DACH1: variants seen among roughly 807,000 people sequenced by gnomAD.
DACH1 encodes dachshund homolog 1.
Under a neutral mutation model 54.2 loss-of-function variants are expected in DACH1, and 12 were observed. The observed-to-expected ratio is 0.22, with a 90% CI of 0.14 to 0.36. The LOEUF (loss-of-function observed/expected upper bound fraction) is 0.36. DACH1 is among the 10% of genes least tolerant of loss of function. The probability of loss-of-function intolerance (pLI) is 1.00; values close to 1 mark genes in which losing one functional copy is unlikely to be tolerated. For synonymous variants in DACH1, 386 were observed against 366.2 expected, an observed-to-expected ratio of 1.05 and a Z score of -0.62; for missense variants, 805 against 929.8, an observed-to-expected ratio of 0.87 and a Z score of 1.75.
chr13:71,470,596 G>A (rs1593744873), intron 10 of DACH1, among the ~76,000 whole-genome samples: 1 of 151,882 alleles, frequency 6.6e-6, no homozygotes, highest in Non-Finnish European at 1.5e-5. Context: ...CAAAGTGCTG[G>A]GATTACAGTT....
chr13:71,658,962 C>T (rs1879320140), intron 2 of DACH1, among the ~76,000 whole-genome samples: 1 of 152,160 alleles, frequency 6.6e-6, no homozygotes, highest in Admixed American at 6.5e-5. Context: ...TGAATATTAG[C>T]CCAATTTTTA....
intron 10 of DACH1, among the ~76,000 whole-genome samples, chr13:71,449,137 T>G (rs1166715633): frequency 3.3e-5 from 5 of 151,808 alleles, no homozygotes; most frequent in Non-Finnish European, 7.4e-5. Context: ...GTCAGGAGTT[T>G]GAGACCAGCA....
chr13:71,625,696 A>T (rs779908767), intron 3 of DACH1, among the ~76,000 whole-genome samples: 7 of 152,044 alleles, frequency 4.6e-5, no homozygotes, highest in Non-Finnish European at 8.8e-5. Context: ...AATGAAAAAC[A>T]ATCATATGTT....
At chr13:71,777,296 G>T (rs1886103418) in intron 1 of DACH1, among the ~76,000 whole-genome samples, 1 of 151,992 alleles carries the variant, frequency 6.6e-6, no homozygotes, top group Non-Finnish European at 1.5e-5. Flanking sequence ...AGACAGTCCT[G>T]GCTCTTAGCG....
At chr13:71,671,540 T>C (rs1192541986) in intron 2 of DACH1, among the ~76,000 whole-genome samples, 1 of 152,026 alleles carries the variant, frequency 6.6e-6, no homozygotes, top group Non-Finnish European at 1.5e-5. Flanking sequence ...AATCCACATA[T>C]TTCATAATTA....
intron 1 of DACH1, among the ~76,000 whole-genome samples, chr13:71,802,916 T>A (rs1887346555): frequency 6.6e-6 from 1 of 152,102 alleles, no homozygotes; most frequent in Non-Finnish European, 1.5e-5. Flanking sequence ...TAATTGTGAT[T>A]TAATTGTGTA....
At chr13:71,843,492 A>G (rs896287439) in intron 1 of DACH1, among the ~76,000 whole-genome samples, 73 of 152,164 alleles carry the variant, frequency 4.8e-4, no homozygotes, top group African/African-American at 1.8e-3. Flanking sequence ...CTTGAACTCC[A>G]GGGCTCAAAC....
chr13:71,566,939 T>C (rs562436151), intron 4 of DACH1, among the ~76,000 whole-genome samples: 2 of 152,276 alleles, frequency 1.3e-5, no homozygotes, highest in African/African-American at 4.8e-5. Flanking sequence ...CACATTGCTC[T>C]AAGATTCACT....
chr13:71,808,282 T>C (rs1887587916), intron 1 of DACH1, among the ~76,000 whole-genome samples: 1 of 151,970 alleles, frequency 6.6e-6, no homozygotes, highest in Non-Finnish European at 1.5e-5. Flanking sequence ...AAGGTCTCCA[T>C]GAGATTTTTT....
chr13:71,458,237 T>C (rs1247224748), intron 10 of DACH1, among the ~76,000 whole-genome samples: 2 of 151,932 alleles, frequency 1.3e-5, no homozygotes, highest in Non-Finnish European at 2.9e-5. Flanking sequence ...TAATAAAGGT[T>C]ATTTGTGAAT....
At chr13:71,586,164 CA>C (rs943435750) in intron 3 of DACH1, among the ~76,000 whole-genome samples, 1 of 152,018 alleles carries the variant, frequency 6.6e-6, no homozygotes, top group African/African-American at 2.4e-5. Context: ...CCTTTCTTGA[CA>C]GGGGGTACCA....
At chr13:71,669,784 C>G (rs551283073) in intron 2 of DACH1, among the ~76,000 whole-genome samples, 129 of 152,154 alleles carry the variant, frequency 8.5e-4, no homozygotes, top group South Asian at 2.1e-3. Context: ...GATCATAAAA[C>G]CTAAATTGAC....
In DACH1 at chr13:71,866,633, G is replaced by C; in HGVS notation, c.137C>G (p.Pro46Arg). The change falls in exon 1 of 11, where the codon CCC becomes CGC. Residue 46 changes from proline (P) to arginine (R), a missense_variant. Pro to Arg is a moderately radical substitution (Grantham distance 103). Transcript: ENST00000613252. Reference sequence around the variant, plus strand: ...CAGAGTTGGCCCAGAGGACGCCGGGGGTCCGATGGAAGGAGCCGGAGACGA... The same window carrying C: ...CAGAGTTGGCCCAGAGGACGCCGGGCGTCCGATGGAAGGAGCCGGAGACGA... ...ATSSPAPSIG[P>R]PASSGPTLFR... The C allele has an allele frequency of 7.1e-7, 1 of 1,405,520 alleles. No homozygotes were observed. The highest frequency in any genetic ancestry group is 1.9e-5 in the South Asian group (1 of 52,868). The allele number at this position is 1,405,520 out of a possible 1,614,324, so 87.1% of individuals were successfully genotyped here.
intron 10 of DACH1, among the ~76,000 whole-genome samples, chr13:71,449,530 T>C (rs947036528): frequency 6.7e-6 from 1 of 150,266 alleles, no homozygotes; most frequent in Non-Finnish European, 1.5e-5. Context: ...TGTCAGGGGT[T>C]GGGGGCTAGG....
intron 3 of DACH1, among the ~76,000 whole-genome samples, chr13:71,593,745 G>A (rs551935873): frequency 2.0e-5 from 3 of 151,998 alleles, no homozygotes; most frequent in South Asian, 2.1e-4. Flanking sequence ...CAATAACAAT[G>A]GAACATTCCC....
chr13:71,820,233 G>C (rs1888132759), intron 1 of DACH1, among the ~76,000 whole-genome samples: 1 of 151,926 alleles, frequency 6.6e-6, no homozygotes, highest in Non-Finnish European at 1.5e-5. Context: ...CTGCCCGAGA[G>C]ATTGGCTGGG....
chr13:71,866,083 G>C lies in DACH1; in HGVS notation c.687C>G (p.Val229=). Residue 229 remains valine, a synonymous_variant, in exon 1 of 11, where the codon GTC becomes GTG. Transcript: ENST00000613252. The part of the protein sequence containing the change: ...LKHLVGGLHT[V]YTKLKRLEIT... ...TCTCCAGCCGCTTCAGCTTGGTGTAGACCGTATGCAAGCCCCCCACCAAGT... is the reference window on the plus strand; with the variant it reads ...TCTCCAGCCGCTTCAGCTTGGTGTACACCGTATGCAAGCCCCCCACCAAGT... 3.1e-6 allele frequency: 5 copies of C among 1,613,814 alleles called. No homozygotes were observed. The South Asian group carries it at 3.3e-5, about 11-fold the overall frequency.
At chr13:71,792,783 C>G (rs1285630901) in intron 1 of DACH1, among the ~76,000 whole-genome samples, 1 of 152,066 alleles carries the variant, frequency 6.6e-6, no homozygotes, top group Non-Finnish European at 1.5e-5. Context: ...GTTCTTTGCT[C>G]TCAGTGTTAA....
At chr13:71,675,303 A>C in intron 2 of DACH1, 1 of 1,602,944 alleles carries the variant, frequency 6.2e-7, no homozygotes, top group Admixed American at 1.7e-5. Flanking sequence ...AGTACTTTAA[A>C]ACAGATCTGC....
Sources: allele counts gnomAD v4.1 joint callset (sites outside exome capture counted in the v4.1 genomes callset), GRCh38; gene constraint gnomAD v4.1.1; transcripts MANE v1.5; gene names NCBI Gene and HGNC (gene_info 2026-07-23, HGNC 2026-07-21).